ACYP2: variants seen among roughly 807,000 people sequenced by gnomAD.
ACYP2 encodes acylphosphatase-2.
A neutral mutation model predicts 11.2 loss-of-function variants in ACYP2; 12 were observed. The observed-to-expected ratio is 1.08, with a 90% CI of 0.69 to 1.74. The LOEUF (loss-of-function observed/expected upper bound fraction) is 1.74, where lower values mean the gene tolerates loss of function less well. Among genes scored for constraint, ACYP2 ranks in the 40% most tolerant of loss-of-function variants. The pLI, the probability that ACYP2 is intolerant of heterozygous loss-of-function variation, is 0.00. For missense variants in ACYP2, 134 were observed against 101.9 expected (o/e 1.31, Z -1.35); for synonymous variants, 43 against 32.2 (o/e 1.33, Z -1.13).
At chr2:54,225,575 T>C (rs1022492360) in intron 6 of ACYP2, among the ~76,000 whole-genome samples, 2 of 152,208 alleles carry the variant, frequency 1.3e-5, no homozygotes, top group Admixed American at 6.5e-5. Flanking sequence ...CTCTGTTGCT[T>C]GTTGGTGTTC....
At chr2:54,039,011 A>G (rs1284671005) in intron 2 of ACYP2, among the ~76,000 whole-genome samples, 1 of 151,820 alleles carries the variant, frequency 6.6e-6, no homozygotes, top group Non-Finnish European at 1.5e-5. Context: ...TGGGGGAAGA[A>G]CATCCCAGGA....
intron 2 of ACYP2, among the ~76,000 whole-genome samples, chr2:53,979,878 G>A (rs1671667619): frequency 6.6e-6 from 1 of 151,766 alleles, no homozygotes; most frequent in Admixed American, 6.6e-5. Context: ...TTTTAGTAGA[G>A]ACAAGGTTTC....
intron 4 of ACYP2, among the ~76,000 whole-genome samples, chr2:54,119,548 A>G (rs2103737634): frequency 6.6e-6 from 1 of 152,348 alleles, no homozygotes; most frequent in Non-Finnish European, 1.5e-5. Context: ...TTGAGTGGAA[A>G]CTATTCCCAG....
intron 4 of ACYP2, among the ~76,000 whole-genome samples, chr2:54,079,409 T>G (rs1677525265): frequency 6.6e-6 from 1 of 152,206 alleles, no homozygotes; most frequent in Admixed American, 6.5e-5. Context: ...GGAATCACAT[T>G]AGTGATGGGA....
In ACYP2 at chr2:54,272,845, G is replaced by C. The variant is rs74535641; in HGVS notation, c.405-31843G>C. Among the ~76,000 whole-genome samples the C allele has an allele frequency of 2.0e-5, 3 of 152,318 alleles. No individual in the cohort carries two copies. The East Asian group carries it at 5.8e-4, about 29-fold the overall frequency. On this transcript the variant is annotated intron_variant, in intron 6 of 6. Coordinates refer to ENST00000607452, the MANE Select transcript of ACYP2 (RefSeq NM_001320586.2). ...GTCTTAATGCTTTTCCTACAAGAGA[G>C]ACTTTCAATGATAGAATACAAACTC...
rs576884827 is a variant in ACYP2 at position 54,193,282 on chromosome 2, T to C, written c.404+54534T>C. Among the ~76,000 whole-genome samples, 12 of 152,382 alleles carry C rather than the reference T, an allele frequency of 7.9e-5. 1 individual carries two copies. The highest frequency in any genetic ancestry group is 2.4e-4 in the African/African-American group (10 of 41,598). On this transcript the variant is annotated intron_variant, in intron 6 of 6. Transcript: ENST00000607452. ...AGTGGTAACATTTGCTGAATACTTA[T>C]GTATCTGTTACCACATTAATATCTT...
chr2:54,216,678 C>G (rs1685572918), intron 6 of ACYP2, among the ~76,000 whole-genome samples: 1 of 152,102 alleles, frequency 6.6e-6, no homozygotes. Flanking sequence ...GCTGGGACTA[C>G]AGACACACAC....
chr2:54,177,476 T>C (rs1367892798), intron 6 of ACYP2, among the ~76,000 whole-genome samples: 2 of 152,158 alleles, frequency 1.3e-5, no homozygotes, highest in African/African-American at 4.8e-5. Context: ...AGCTCCCTGG[T>C]TTCTTATCCT....
At chr2:54,289,080 G>T (rs1689197816) in intron 6 of ACYP2, among the ~76,000 whole-genome samples, 1 of 151,966 alleles carries the variant, frequency 6.6e-6, no homozygotes, top group African/African-American at 2.4e-5. Flanking sequence ...GTAATATAAT[G>T]AAGTTAAATT....
intron 6 of ACYP2, among the ~76,000 whole-genome samples, chr2:54,146,267 T>C (rs1321536757): frequency 6.6e-6 from 1 of 152,208 alleles, no homozygotes; most frequent in Non-Finnish European, 1.5e-5. Flanking sequence ...TCAGAAAGTT[T>C]GTCAGATATT....
chr2:54,199,448 G>C (rs74622486), intron 6 of ACYP2, among the ~76,000 whole-genome samples: 1 of 152,314 alleles, frequency 6.6e-6, no homozygotes, highest in African/African-American at 2.4e-5. Flanking sequence ...TGGGACCTAA[G>C]TGAGGGGCCC....
At chr2:53,976,284 T>A (rs1400320502) in intron 2 of ACYP2, among the ~76,000 whole-genome samples, 4 of 152,208 alleles carry the variant, frequency 2.6e-5, no homozygotes, top group African/African-American at 9.6e-5. Flanking sequence ...CACAGCTCAC[T>A]GCAGCCTCCA....
At chr2:54,258,530 C>G (rs1451505964) in intron 6 of ACYP2, among the ~76,000 whole-genome samples, 1 of 151,824 alleles carries the variant, frequency 6.6e-6, no homozygotes, top group Non-Finnish European at 1.5e-5. Flanking sequence ...TGGGAAATTA[C>G]TACAGGATTT....
chr2:53,999,788 A>T (rs931472540), intron 2 of ACYP2, among the ~76,000 whole-genome samples: 1 of 152,204 alleles, frequency 6.6e-6, no homozygotes, highest in Non-Finnish European at 1.5e-5. Flanking sequence ...AAATACTTTA[A>T]TAATAAAATA....
chr2:53,978,986 C>T (rs149823748), intron 2 of ACYP2, among the ~76,000 whole-genome samples: 22 of 151,914 alleles, frequency 1.4e-4, no homozygotes, highest in African/African-American at 4.1e-4. Flanking sequence ...TAATAATAAA[C>T]GACTGTTACT....
chr2:54,287,614 C>A (rs1213373860), intron 6 of ACYP2, among the ~76,000 whole-genome samples: 1 of 151,916 alleles, frequency 6.6e-6, no homozygotes, highest in Non-Finnish European at 1.5e-5. Context: ...TGACAACACA[C>A]ACATAAAATG....
At chr2:54,263,850 GA>G (rs1005749872) in intron 6 of ACYP2, among the ~76,000 whole-genome samples, 1 of 151,878 alleles carries the variant, frequency 6.6e-6, no homozygotes, top group African/African-American at 2.4e-5. Context: ...AATACTGAGA[GA>G]AGATATTACA....
intron 6 of ACYP2, among the ~76,000 whole-genome samples, chr2:54,272,934 GTATT>G (rs1444491044): frequency 6.6e-6 from 1 of 152,214 alleles, no homozygotes; most frequent in East Asian, 1.9e-4. Flanking sequence ...TATAAAGACT[GTATT>G]TGTCATGAGC....
intron 2 of ACYP2, among the ~76,000 whole-genome samples, chr2:54,003,563 A>T (rs1216833911): frequency 2.6e-5 from 4 of 152,080 alleles, no homozygotes; most frequent in Non-Finnish European, 1.5e-5. Flanking sequence ...CCTGGCCCAG[A>T]GCTCATTTCT....
Sources: allele counts gnomAD v4.1 joint callset (sites outside exome capture counted in the v4.1 genomes callset), GRCh38; gene constraint gnomAD v4.1.1; transcripts MANE v1.5; gene names NCBI Gene and HGNC (gene_info 2026-07-23, HGNC 2026-07-21).